SOX6: variants seen among roughly 807,000 people sequenced by gnomAD.
SOX6 encodes transcription factor SOX-6.
SOX6 carries 11 observed loss-of-function variants against 97.8 expected under a neutral mutation model. That is an observed-to-expected ratio of 0.11 (90% CI 0.07 to 0.19). SOX6 has a LOEUF of 0.19. Ranked by LOEUF, SOX6 falls within the 10% of genes least tolerant of loss-of-function variation. The probability of loss-of-function intolerance (pLI) is 1.00; values close to 1 mark genes in which losing one functional copy is unlikely to be tolerated. For synonymous variants in SOX6, 360 were observed against 371.4 expected, an observed-to-expected ratio of 0.97 and a Z score of 0.35; for missense variants, 810 against 1,039.5, an observed-to-expected ratio of 0.78 and a Z score of 3.04.
chr11:16,034,748 T>C (rs1855473988), intron 12 of SOX6, among the ~76,000 whole-genome samples: 1 of 151,996 alleles, frequency 6.6e-6, no homozygotes, highest in Non-Finnish European at 1.5e-5. Flanking sequence ...GTCTCACATA[T>C]ACACCCAGGT....
chr11:16,643,743 G>T (rs528346276), intron 3 of SOX6, among the ~76,000 whole-genome samples: 10 of 151,960 alleles, frequency 6.6e-5, no homozygotes, highest in Non-Finnish European at 1.2e-4. Context: ...CTGGTGTGCC[G>T]TTTGCTAAGA....
intron 3 of SOX6, among the ~76,000 whole-genome samples, chr11:16,294,252 CATTAATGTA>C (rs955201782): frequency 1.2e-4 from 19 of 152,042 alleles, no homozygotes; most frequent in Admixed American, 1.0e-3. Context: ...CATATATCAT[CATTAATGTA>C]ATAAACAGTA....
chr11:16,720,720 C>T (rs1416728499), intron 2 of SOX6, among the ~76,000 whole-genome samples: 1 of 147,102 alleles, frequency 6.8e-6, no homozygotes, highest in Non-Finnish European at 1.5e-5. Context: ...AAGATGCACA[C>T]AAAAAGAAAA....
intron 4 of SOX6, among the ~76,000 whole-genome samples, chr11:16,529,884 A>G (rs978842524): frequency 3.3e-5 from 5 of 152,086 alleles, no homozygotes. Flanking sequence ...CAAAACATCA[A>G]AATAAATTTA....
At chr11:16,303,916 TTTTG>T (rs959109034) in intron 3 of SOX6, among the ~76,000 whole-genome samples, 2 of 152,134 alleles carry the variant, frequency 1.3e-5, no homozygotes, top group African/African-American at 4.8e-5. Flanking sequence ...TTTGTTTGTT[TTTTG>T]TTTGTTTGTT....
chr11:16,071,146 T>C (rs150560573), intron 9 of SOX6, among the ~76,000 whole-genome samples: 48 of 152,132 alleles, frequency 3.2e-4, no homozygotes, highest in Middle Eastern at 3.4e-3. Flanking sequence ...GGCAGGCAAC[T>C]TTACCAAACC....
In SOX6 at chr11:16,674,189, CA is replaced by C. The variant is rs61516612; in HGVS notation, n.429+40640del. ...TGGGCGACAGAGTGAGACTCCATCT[CA>C]AAAAAAAAAAAAAAAAAAATCATTC... On this transcript the variant is annotated intron_variant and non_coding_transcript_variant, in intron 3 of 5. Coordinates refer to the SOX6 transcript ENST00000524520. 1.4e-3 allele frequency among the ~76,000 whole-genome samples: 105 copies of C among 76,314 alleles called. 1 individual carries two copies. The highest frequency in any genetic ancestry group is 3.0e-3 in the South Asian group (5 of 1,668). 50.1% of individuals were successfully genotyped at this position (76,314 alleles called of 152,430 possible). A position where few individuals can be genotyped will look rare whatever the true frequency, so the allele number is the denominator to read the frequency against.
chr11:16,737,899 CTTTT>C (rs1184563436), intron 1 of SOX6, among the ~76,000 whole-genome samples: 10 of 152,102 alleles, frequency 6.6e-5, no homozygotes, highest in Non-Finnish European at 7.4e-5. Flanking sequence ...TCAATAATTA[CTTTT>C]TTTAAAAAAG....
chr11:16,571,494 G>A (rs572754872), intron 4 of SOX6, among the ~76,000 whole-genome samples: 5 of 152,120 alleles, frequency 3.3e-5, no homozygotes, highest in African/African-American at 9.6e-5. Flanking sequence ...TTACATGTGC[G>A]ATCACAGCAT....
At chr11:16,540,255 C>T (rs1007967911) in intron 4 of SOX6, among the ~76,000 whole-genome samples, 11 of 152,024 alleles carry the variant, frequency 7.2e-5, no homozygotes, top group South Asian at 2.1e-4. Flanking sequence ...AAAAGGCCTT[C>T]GACGAAATTC....
chr11:16,488,648 C>T (rs1860471248), intron 4 of SOX6, among the ~76,000 whole-genome samples: 2 of 152,096 alleles, frequency 1.3e-5, no homozygotes, highest in Non-Finnish European at 2.9e-5. Context: ...AACAAATAAA[C>T]ACTGTAGACC....
intron 12 of SOX6, among the ~76,000 whole-genome samples, chr11:16,045,016 A>G (rs1264070511): frequency 6.6e-6 from 1 of 151,862 alleles, no homozygotes; most frequent in Non-Finnish European, 1.5e-5. Flanking sequence ...TCTTAACCTC[A>G]TCTCTCATCC....
chr11:15,995,451 G>T (rs1854195048), intron 13 of SOX6, among the ~76,000 whole-genome samples: 1 of 152,038 alleles, frequency 6.6e-6, no homozygotes, highest in South Asian at 2.1e-4. Context: ...ATTTTCAGAG[G>T]AAGATAATAG....
At chr11:16,040,788 T>C (rs1564921146) in intron 12 of SOX6, among the ~76,000 whole-genome samples, 1 of 152,036 alleles carries the variant, frequency 6.6e-6, no homozygotes, top group Non-Finnish European at 1.5e-5. Context: ...CTGGTCTTAG[T>C]TTCTTCATCT....
At chr11:16,219,914 A>G (rs1852489291) in intron 4 of SOX6, among the ~76,000 whole-genome samples, 1 of 151,982 alleles carries the variant, frequency 6.6e-6, no homozygotes. Context: ...GGAGATGGAG[A>G]TTAATTATGA....
At chr11:16,001,929 C>T (rs1490501667) in intron 13 of SOX6, among the ~76,000 whole-genome samples, 1 of 152,132 alleles carries the variant, frequency 6.6e-6, no homozygotes, top group Non-Finnish European at 1.5e-5. Flanking sequence ...TCTGAGGAAA[C>T]ATAAACCTCT....
chr11:16,623,474 T>C (rs1397928923), intron 3 of SOX6, among the ~76,000 whole-genome samples: 3 of 152,214 alleles, frequency 2.0e-5, no homozygotes, highest in African/African-American at 7.2e-5. Context: ...CTTTGTCAGA[T>C]GTATAGATTG....
intron 3 of SOX6, among the ~76,000 whole-genome samples, chr11:16,277,185 T>C (rs766653785): frequency 3.3e-4 from 50 of 152,216 alleles, no homozygotes; most frequent in Non-Finnish European, 6.2e-4. Context: ...CTCTAAGTGA[T>C]GGTATCTGGA....
intron 4 of SOX6, among the ~76,000 whole-genome samples, chr11:16,542,117 T>A (rs982195052): frequency 6.6e-6 from 1 of 152,166 alleles, no homozygotes; most frequent in Non-Finnish European, 1.5e-5. Flanking sequence ...ATATACACCA[T>A]GGAATACTAC....
Sources: allele counts gnomAD v4.1 joint callset (sites outside exome capture counted in the v4.1 genomes callset), GRCh38; gene constraint gnomAD v4.1.1; transcripts MANE v1.5; gene names NCBI Gene and HGNC (gene_info 2026-07-23, HGNC 2026-07-21).